Variants in VTCN1 observed in about 807,000 individuals in gnomAD.
The protein encoded by VTCN1 is V-set domain containing T cell activation inhibitor 1, also known as V-set domain-containing T-cell activation inhibitor 1.
VTCN1 carries 26 observed loss-of-function variants against 26.5 expected under a neutral mutation model. The observed-to-expected ratio is 0.98, with a 90% CI of 0.72 to 1.36. The LOEUF (loss-of-function observed/expected upper bound fraction) is 1.36. Ranked by LOEUF, VTCN1 falls within the 40% of genes most tolerant of loss-of-function variation. VTCN1 has a pLI of 0.00. For missense variants in VTCN1, 298 were observed against 337.7 expected (o/e 0.88, Z 0.92); for synonymous variants, 116 against 130.7 (o/e 0.89, Z 0.77).
intron 2 of VTCN1, among the ~76,000 whole-genome samples, chr1:117,164,492 G>C (rs748868774): frequency 2.6e-5 from 4 of 151,894 alleles, no homozygotes; most frequent in Admixed American, 6.5e-5. Context: ...CAGTTCCTAG[G>C]AGGTGCTATA....
At chr1:117,191,434 G>T (rs1352913486) in intron 1 of VTCN1, among the ~76,000 whole-genome samples, 1 of 152,166 alleles carries the variant, frequency 6.6e-6, no homozygotes, top group East Asian at 1.9e-4. Context: ...TGGGAGGATT[G>T]CCTGCAGCCA....
chr1:117,188,290 C>T (rs1380442312), intron 1 of VTCN1, among the ~76,000 whole-genome samples: 1 of 152,064 alleles, frequency 6.6e-6, no homozygotes, highest in East Asian at 1.9e-4. Flanking sequence ...CGAGAGTCAC[C>T]ACTCTTTTAT....
At chr1:117,178,937 CT>C (rs2101548774) in intron 1 of VTCN1, among the ~76,000 whole-genome samples, 1 of 152,204 alleles carries the variant, frequency 6.6e-6, no homozygotes, top group South Asian at 2.1e-4. Context: ...TATTCCATCC[CT>C]GGGTTAGCAG....
chr1:117,154,783 C>CAAAAAAAAAAAAAAAAAAAAAAAAAA (rs916361996), intron 3 of VTCN1, among the ~76,000 whole-genome samples: 5 of 39,894 alleles, frequency 1.3e-4, no homozygotes, highest in Non-Finnish European at 2.2e-4. Context: ...AACTCCATCT[C>CAAAAAAAAAAAAAAAAAAAAAAAAAA]AAAAAAAAAA....
intron 4 of VTCN1, among the ~76,000 whole-genome samples, chr1:117,150,090 G>A (rs1204063252): frequency 1.3e-5 from 2 of 152,192 alleles, no homozygotes; most frequent in Admixed American, 1.3e-4. Flanking sequence ...CTGAGATACT[G>A]TTGTCAGCAC....
At position 117,201,086 on chromosome 1, in the gene VTCN1, T is replaced by G. The variant is rs536637146; in HGVS notation, c.32+9738A>C. 1.5e-3 allele frequency among the ~76,000 whole-genome samples: 232 copies of G among 152,354 alleles called. 1 individual carries two copies. Among genetic ancestry groups the G allele is most frequent in the African/African-American group, 5.5e-3 (228 of 41,582 alleles). ...ATAAACCACCCTGCCCAGACAATTCTATACATTTATAATGGGAAAGGAAAA... is the reference window on the plus strand; with the variant it reads ...ATAAACCACCCTGCCCAGACAATTCGATACATTTATAATGGGAAAGGAAAA... On this transcript the variant is annotated intron_variant, in intron 1 of 5. Transcript: ENST00000369458.
chr1:117,206,201 A>G (rs1649069008), intron 1 of VTCN1, among the ~76,000 whole-genome samples: 1 of 151,524 alleles, frequency 6.6e-6, no homozygotes, highest in African/African-American at 2.4e-5. Context: ...AGTATTCTCC[A>G]GAGTTCTTTT....
chr1:117,204,919 T>C (rs971617762), intron 1 of VTCN1, among the ~76,000 whole-genome samples: 1 of 151,590 alleles, frequency 6.6e-6, no homozygotes, highest in African/African-American at 2.4e-5. Context: ...GTATGGCCCT[T>C]GGACAAGCTG....
At chr1:117,162,356 T>C (rs1224913285) in intron 2 of VTCN1, among the ~76,000 whole-genome samples, 1 of 152,246 alleles carries the variant, frequency 6.6e-6, no homozygotes, top group Non-Finnish European at 1.5e-5. Flanking sequence ...AAAGAAACTA[T>C]TCAGACTTGC....
chr1:117,158,549 A>G (rs936859075), intron 2 of VTCN1, among the ~76,000 whole-genome samples: 4 of 151,704 alleles, frequency 2.6e-5, no homozygotes, highest in Admixed American at 6.6e-5. Flanking sequence ...CCACAAAACT[A>G]TTTTCTCCTA....
intron 1 of VTCN1, among the ~76,000 whole-genome samples, chr1:117,187,206 G>C (rs1647985403): frequency 1.3e-5 from 2 of 150,508 alleles, no homozygotes; most frequent in Non-Finnish European, 3.0e-5. Context: ...AGCTACTCGG[G>C]AGGCTGAGGT....
At position 117,156,739 on chromosome 1, in the gene VTCN1, C is replaced by A. The variant is rs368043614; in HGVS notation, c.280G>T (p.Asp94Tyr). ...GCTGTCCGGCCTCTGAACATTTCATCCTGCTCCGACAGCTCATCTTTGCCT... is the reference window on the plus strand; with the variant it reads ...GCTGTCCGGCCTCTGAACATTTCATACTGCTCCGACAGCTCATCTTTGCCT... ...KEGKDELSEQ[D>Y]EMFRGRTAVF... is the part of the protein sequence containing the mutation. Residue 94 changes from aspartate (D) to tyrosine (Y), a missense_variant, in exon 3 of 6, where the codon GAT becomes TAT. Coordinates refer to ENST00000369458, the MANE Select transcript of VTCN1 (RefSeq NM_024626.4). 22 of 1,614,036 alleles carry A rather than the reference C, an allele frequency of 1.4e-5. No homozygotes were observed. The Admixed American group carries it at 1.8e-4, about 13-fold the overall frequency.
rs1652661912 is a variant in VTCN1, at chr1:117,167,133, T to G, written c.97+2974A>C. Among the ~76,000 whole-genome samples, 1 of 152,126 alleles carries G rather than the reference T, an allele frequency of 6.6e-6. No homozygotes were observed. ...TATATATGTATGTAAACATAAAATG[T>G]ATATATACATACATGACATTATATG... On this transcript the variant is annotated intron_variant, in intron 2 of 5. Coordinates refer to ENST00000369458, the MANE Select transcript of VTCN1 (RefSeq NM_024626.4). This position sits in a 1 kb window ranked among gnomAD's most constrained non-coding sequence, Gnocchi z 4.1.
chr1:117,174,950 T>C (rs1647258198), intron 1 of VTCN1, among the ~76,000 whole-genome samples: 1 of 152,202 alleles, frequency 6.6e-6, no homozygotes, highest in African/African-American at 2.4e-5. Context: ...TTTAGTGCTC[T>C]GGGCTGTGGG....
chr1:117,198,913 G>A (rs12076879), intron 1 of VTCN1, among the ~76,000 whole-genome samples: 6,575 of 152,176 alleles, frequency 0.043, 512 homozygotes, highest in African/African-American at 0.15. Flanking sequence ...CTGTAGAAGG[G>A]GAAGACCTGA....
At chr1:117,163,703 A>G (rs1007889438) in intron 2 of VTCN1, among the ~76,000 whole-genome samples, 3 of 152,160 alleles carry the variant, frequency 2.0e-5, no homozygotes, top group Non-Finnish European at 4.4e-5. Context: ...TCTGGCCCTG[A>G]GCCTATGCCC....
chr1:117,189,520 C>T (rs775300983), intron 1 of VTCN1, among the ~76,000 whole-genome samples: 2 of 152,206 alleles, frequency 1.3e-5, no homozygotes, highest in South Asian at 4.1e-4. Flanking sequence ...AGATGACCTG[C>T]TTTACCCGAT....
intron 2 of VTCN1, among the ~76,000 whole-genome samples, chr1:117,163,218 T>C (rs1324059875): frequency 6.6e-6 from 1 of 152,212 alleles, no homozygotes; most frequent in South Asian, 2.1e-4. Flanking sequence ...CAGCAGAACA[T>C]GGTGTTTGAG....
At chr1:117,170,028 T>C in intron 2 of VTCN1, 79 bp downstream of exon 2, 2 of 1,374,638 alleles carry the variant, frequency 1.5e-6, no homozygotes, top group South Asian at 2.4e-5. Flanking sequence ...TCTGGGCTCT[T>C]TCCATGCTAA....
Sources: gnomAD v4.1 joint callset for allele counts (sites outside exome capture counted in the v4.1 genomes callset) on GRCh38, gnomAD v4.1.1 for gene constraint, Gnocchi (gnomAD v3.1) non-coding constraint, MANE v1.5 for transcripts, NCBI Gene and HGNC (gene_info 2026-07-23, HGNC 2026-07-21) for gene names.